Variants in SMAD3 observed in about 807,000 individuals in gnomAD.
The protein encoded by SMAD3 is SMAD family member 3.
Under a neutral mutation model 51.8 loss-of-function variants are expected in SMAD3, and 12 were observed. That is an observed-to-expected ratio of 0.23 (90% CI 0.15 to 0.38). The LOEUF is 0.38. SMAD3 is among the 10% of genes least tolerant of loss of function. The pLI, the probability that SMAD3 is intolerant of heterozygous loss-of-function variation, is 1.00. For synonymous variants in SMAD3, 238 were observed against 227.7 expected (o/e 1.05, Z -0.41); for missense variants, 294 against 565.6 (o/e 0.52, Z 4.87).
chr15:67,127,224 CCTGT>C (rs1425764061), intron 1 of SMAD3, among the ~76,000 whole-genome samples: 5 of 152,164 alleles, frequency 3.3e-5, no homozygotes, highest in Non-Finnish European at 1.5e-5. Flanking sequence ...AAATATTTAC[CCTGT>C]CTGAGGTCGA....
chr15:67,111,465 T>C (rs148128801), intron 1 of SMAD3, among the ~76,000 whole-genome samples: 1 of 152,208 alleles, frequency 6.6e-6, no homozygotes, highest in Non-Finnish European at 1.5e-5. Context: ...GTGTACAAGC[T>C]TTTTTTGTGG....
chr15:67,172,160 T>A (rs750280971), intron 5 of SMAD3, among the ~76,000 whole-genome samples: 1 of 152,358 alleles, frequency 6.6e-6, no homozygotes, highest in Non-Finnish European at 1.5e-5. Flanking sequence ...GGATGTTTCT[T>A]GAGCTCTGAC....
At chr15:67,145,485 T>C (rs1407451306) in intron 1 of SMAD3, among the ~76,000 whole-genome samples, 1 of 152,204 alleles carries the variant, frequency 6.6e-6, no homozygotes, top group Non-Finnish European at 1.5e-5. Flanking sequence ...TCCCAGATGA[T>C]GTTTCTAGAA....
At chr15:67,148,578 G>A (rs191093857) in intron 1 of SMAD3, among the ~76,000 whole-genome samples, 64 of 152,256 alleles carry the variant, frequency 4.2e-4, no homozygotes, top group African/African-American at 1.4e-3. Flanking sequence ...GGTTGCTTTC[G>A]CCTAACTGGC....
rs528011717 is a variant in SMAD3, at chr15:67,109,792, G to A, written c.206+43432G>A. On this transcript the variant is annotated intron_variant, in intron 1 of 8. Coordinates refer to ENST00000327367, the MANE Select transcript of SMAD3 (RefSeq NM_005902.4). The stretch of plus-strand genomic sequence containing the variant: ...ACCCGCGTGCCCCTTACGCTCCGCC[G>A]GCCTCTCAGTGATGTCAGTGGGCCA... Among the ~76,000 whole-genome samples, 5 of 152,274 alleles carry A rather than the reference G, an allele frequency of 3.3e-5. No individual in the cohort carries two copies. The South Asian group carries it at 6.2e-4, about 19-fold the overall frequency.
At chr15:67,072,728 A>T (rs920414976) in intron 1 of SMAD3, among the ~76,000 whole-genome samples, 12 of 152,292 alleles carry the variant, frequency 7.9e-5, no homozygotes, top group South Asian at 4.1e-4. Flanking sequence ...CTCCCTAAGG[A>T]GGGGTATGAC....
At chr15:67,085,202 T>G (rs1194178024) in intron 1 of SMAD3, among the ~76,000 whole-genome samples, 1 of 152,158 alleles carries the variant, frequency 6.6e-6, no homozygotes, top group East Asian at 1.9e-4. Context: ...TGACCCATCC[T>G]TTGTCACCGT....
At chr15:67,171,311 C>T (rs1043514026) in intron 5 of SMAD3, among the ~76,000 whole-genome samples, 6 of 152,100 alleles carry the variant, frequency 3.9e-5, no homozygotes, top group Non-Finnish European at 7.4e-5. Flanking sequence ...CCATTGTTTC[C>T]GCAACATCCC....
chr15:67,098,063 G>C (rs1211609161), intron 1 of SMAD3, among the ~76,000 whole-genome samples: 1 of 152,190 alleles, frequency 6.6e-6, no homozygotes, highest in Non-Finnish European at 1.5e-5. Context: ...ATTCGTGGGT[G>C]TGCCTGCCTT....
intron 1 of SMAD3, among the ~76,000 whole-genome samples, chr15:67,111,779 A>G (rs141986057): frequency 9.2e-5 from 14 of 152,024 alleles, no homozygotes; most frequent in African/African-American, 3.4e-4. Context: ...GCTTTTTGGC[A>G]TTTGTGTTTT....
At chr15:67,104,226 C>G (rs779381482) in intron 1 of SMAD3, among the ~76,000 whole-genome samples, 3 of 152,142 alleles carry the variant, frequency 2.0e-5, no homozygotes, top group African/African-American at 7.2e-5. Context: ...CCCTGCGTCT[C>G]GCACAATGCT....
At chr15:67,155,101 T>A (rs1386706877) in intron 1 of SMAD3, among the ~76,000 whole-genome samples, 1 of 152,186 alleles carries the variant, frequency 6.6e-6, no homozygotes, top group Non-Finnish European at 1.5e-5. Flanking sequence ...AATGAAGGGA[T>A]TGGACCAGAT....
chr15:67,122,460 G>C (rs1287376436), intron 1 of SMAD3, among the ~76,000 whole-genome samples: 1 of 152,152 alleles, frequency 6.6e-6, no homozygotes, highest in African/African-American at 2.4e-5. Flanking sequence ...TCCTATCGGG[G>C]GATTTATGGA....
At chr15:67,069,053 A>C (rs750285157) in intron 1 of SMAD3, among the ~76,000 whole-genome samples, 3 of 152,174 alleles carry the variant, frequency 2.0e-5, no homozygotes, top group Non-Finnish European at 4.4e-5. Context: ...TAAGGAGATT[A>C]AGCCAAGTGT....
At chr15:67,187,111 C>T in intron 7 of SMAD3, 1 of 650,714 alleles carries the variant, frequency 1.5e-6, no homozygotes, top group Non-Finnish European at 2.8e-6. Flanking sequence ...TGTGGGCCAG[C>T]CTTCCATCTC....
intron 1 of SMAD3, among the ~76,000 whole-genome samples, chr15:67,092,544 T>C (rs956223212): frequency 2.0e-5 from 3 of 152,136 alleles, no homozygotes; most frequent in African/African-American, 7.2e-5. Context: ...AGTCTGAATT[T>C]TGTACACTCT....
chr15:67,165,446 A>T lies in SMAD3; in HGVS notation c.532+62A>T, dbSNP rs921158553. The T allele has an allele frequency of 1.9e-6, 3 of 1,593,220 alleles. No individual in the cohort carries two copies. In the Admixed American group the frequency reaches 5.0e-5, roughly 27 times the overall value. On this transcript the variant is annotated intron_variant, in intron 3 of 8. Coordinates refer to ENST00000327367, the MANE Select transcript of SMAD3 (RefSeq NM_005902.4). ...AGGGGCAGCGGTCAGCCCCGACATC[A>T]GTCCTGTGGCCCCAATCTCTGCCCC... is the stretch of plus-strand genomic sequence containing the variant.
chr15:67,076,897 G>A (rs1382865870), intron 1 of SMAD3, among the ~76,000 whole-genome samples: 1 of 152,212 alleles, frequency 6.6e-6, no homozygotes, highest in East Asian at 1.9e-4. Context: ...TGGGCAAGGG[G>A]TGCAGGGGCA....
chr15:67,194,198 C>T lies in SMAD3; in HGVS notation c.*3662C>T, dbSNP rs924471952. 1 of 233,490 alleles carries T rather than the reference C, an allele frequency of 4.3e-6. No homozygotes were observed. The highest frequency in any genetic ancestry group is 8.5e-6 in the Non-Finnish European group (1 of 118,058). 14.5% of individuals were successfully genotyped at this position (233,490 alleles called of 1,614,324 possible). On this transcript the variant is annotated 3_prime_UTR_variant, in exon 9 of 9. Transcript: ENST00000327367. The stretch of plus-strand genomic sequence containing the variant: ...AGAACCAAACCTCAACACAGCGAAG[C>T]TGTACTGTCTTTGTGTGGCAAAGAT...
Sources: allele counts gnomAD v4.1 joint callset (sites outside exome capture counted in the v4.1 genomes callset), GRCh38; gene constraint gnomAD v4.1.1; transcripts MANE v1.5; gene names NCBI Gene and HGNC (gene_info 2026-07-23, HGNC 2026-07-21).